The following USP7 variants were observed in gnomAD, a reference collection of about 807,000 sequenced individuals.
USP7 encodes ubiquitin C-terminal hydrolase 7.
Under a neutral mutation model 162.9 loss-of-function variants are expected in USP7, and 9 were observed. The observed-to-expected ratio is 0.06, with a 90% CI of 0.03 to 0.10. USP7 has a LOEUF of 0.10. USP7 is among the 10% of genes least tolerant of loss of function. The pLI is 1.00. For missense variants in USP7, 715 were observed against 1,373.7 expected, an observed-to-expected ratio of 0.52 and a Z score of 7.58; for synonymous variants, 562 against 475.9, an observed-to-expected ratio of 1.18 and a Z score of -2.35.
chr16:8,899,225 A>G (rs1485612014), intron 22 of USP7, 37 bp from the exon 23 acceptor site: 16 of 1,608,154 alleles, frequency 9.9e-6, no homozygotes, highest in Non-Finnish European at 1.4e-5. Flanking sequence ...TTTTGGGGAA[A>G]AATTGAAACT....
intron 20 of USP7, 137 bp downstream of exon 20, chr16:8,900,853 T>C: frequency 1.1e-6 from 1 of 879,214 alleles, no homozygotes; most frequent in South Asian, 1.9e-5. Flanking sequence ...TCTAAATATG[T>C]CATTCTCAAG....
chr16:8,936,576 G>T lies in USP7; in HGVS notation c.80-6179C>A. On this transcript the variant is annotated intron_variant, in intron 1 of 30. Transcript: ENST00000344836. ...CATAAGGAGCTCAACCTGAAAACCT[G>T]ACTCACCTTCCAGCCCAAGCCTGTG... 2.6e-6 allele frequency: 4 copies of T among 1,538,162 alleles called. No individual in the cohort carries two copies. In the South Asian group the frequency reaches 4.9e-5, roughly 19 times the overall value.
rs774409517 is a variant in USP7 at position 8,923,426 on chromosome 16, C to T, written c.185-13G>A. 4.3e-6 allele frequency: 7 copies of T among 1,612,854 alleles called. No homozygotes were observed. The highest frequency in any genetic ancestry group is 5.1e-6 in the Non-Finnish European group (6 of 1,179,174). On this transcript the variant is annotated splice_polypyrimidine_tract_variant and intron_variant, in intron 2 of 30. Transcript: ENST00000344836. ...CGCCAACTGGTGTCTGCAAAAAAAA[C>T]ACATCATCAGTCACAGAGCCTGTGC...
Position 8,897,726 on chromosome 16 carries a change from A to AAAAAATATATATAT in USP7, c.2719-628_2719-627insATATATATATTTTT, listed in dbSNP as rs1555461671. Among the ~76,000 whole-genome samples, 10 of 7,134 alleles carry AAAAAATATATATAT rather than the reference A, an allele frequency of 1.4e-3. 1 individual carries two copies. The highest frequency in any genetic ancestry group is 1.9e-3 in the Non-Finnish European group (8 of 4,286). 4.7% of individuals were successfully genotyped at this position (7,134 alleles called of 152,430 possible). A position where few individuals can be genotyped will look rare whatever the true frequency, so the allele number is the denominator to read the frequency against. On this transcript the variant is annotated intron_variant, in intron 25 of 30. Transcript: ENST00000344836. ...AAAAAAAAAAAAAAAAAAAAAAAAA[A>AAAAAATATATATAT]ATATATATATATATATATATAAATG...
chr16:8,909,119 G>T (rs1313793106), intron 11 of USP7, among the ~76,000 whole-genome samples: 1 of 152,184 alleles, frequency 6.6e-6, no homozygotes, highest in African/African-American at 2.4e-5. Flanking sequence ...GCCTTCTATG[G>T]GGACACCGGA....
intron 27 of USP7, 126 bp from the exon 28 acceptor site, chr16:8,895,276 C>G: frequency 2.1e-6 from 3 of 1,445,080 alleles, no homozygotes; most frequent in Non-Finnish European, 2.8e-6. Flanking sequence ...AAACGCCACA[C>G]CTGGATCCAG....
In USP7 at chr16:8,898,672, T is replaced by G. The variant is rs781649234; in HGVS notation, c.2532-33A>C. The G allele has an allele frequency of 8.6e-6, 13 of 1,505,410 alleles. No individual in the cohort carries two copies. The East Asian group carries it at 3.0e-4, about 34-fold the overall frequency. 93.3% of individuals were successfully genotyped at this position (1,505,410 alleles called of 1,614,324 possible). The stretch of plus-strand genomic sequence containing the variant: ...AGAAAACAGCATATAAATAAATGAC[T>G]TGTTTATTTGCCTAAAAACAAATAT... On this transcript the variant is annotated intron_variant, in intron 23 of 30. Coordinates refer to ENST00000344836, the MANE Select transcript of USP7 (RefSeq NM_003470.3).
At chr16:8,927,055 C>T (rs1898043657) in intron 2 of USP7, among the ~76,000 whole-genome samples, 1 of 152,226 alleles carries the variant, frequency 6.6e-6, no homozygotes, top group African/African-American at 2.4e-5. Flanking sequence ...TGGCTCACGC[C>T]TGTAATCCCA....
chr16:8,894,179 G>T, intron 30 of USP7, 75 bp from the exon 31 acceptor site: 1 of 1,371,866 alleles, frequency 7.3e-7, no homozygotes, highest in Non-Finnish European at 1.0e-6. Context: ...TGGCCAGTGA[G>T]GCATGCATCC....
At chr16:8,929,682 A>C (rs1898206018) in intron 2 of USP7, 2 of 413,416 alleles carry the variant, frequency 4.8e-6, no homozygotes, top group Non-Finnish European at 9.7e-6. Flanking sequence ...CTGTGCAAAT[A>C]TTGAGGTCAC....
intron 7 of USP7, among the ~76,000 whole-genome samples, 163 bp downstream of exon 7, chr16:8,916,858 TAAAAC>T (rs932180199): frequency 6.7e-6 from 1 of 149,256 alleles, no homozygotes. Context: ...TCCAAAGAGA[TAAAAC>T]AAAATACAAT....
At chr16:8,914,110 C>T (rs991079813) in intron 10 of USP7, among the ~76,000 whole-genome samples, 1 of 152,026 alleles carries the variant, frequency 6.6e-6, no homozygotes, top group Non-Finnish European at 1.5e-5. Context: ...GAAGCCAATA[C>T]TAAAATTGTT....
chr16:8,903,464 G>C, intron 15 of USP7, 62 bp from the exon 16 acceptor site: 1 of 1,554,824 alleles, frequency 6.4e-7, no homozygotes, highest in Non-Finnish European at 8.7e-7. Context: ...AGTCCACACT[G>C]AACACATTTA....
At chr16:8,958,700 C>G (rs1248683712) in intron 1 of USP7, among the ~76,000 whole-genome samples, 2 of 152,254 alleles carry the variant, frequency 1.3e-5, no homozygotes, top group African/African-American at 4.8e-5. Context: ...CTTCCCCACA[C>G]TCATCGCAGG....
intron 3 of USP7, among the ~76,000 whole-genome samples, chr16:8,922,259 C>A (rs966735659): frequency 6.6e-6 from 1 of 152,218 alleles, no homozygotes; most frequent in African/African-American, 2.4e-5. Context: ...CAGGCCGAGA[C>A]AGGCAGATCA....
chr16:8,913,487 T>G (rs1217077814), intron 10 of USP7, among the ~76,000 whole-genome samples: 1 of 151,834 alleles, frequency 6.6e-6, no homozygotes, highest in Non-Finnish European at 1.5e-5. Context: ...TTCTCAGAAA[T>G]GAGGCGAGCA....
intron 1 of USP7, among the ~76,000 whole-genome samples, chr16:8,950,406 TAC>T (rs1899497724): frequency 6.6e-6 from 1 of 152,186 alleles, no homozygotes; most frequent in African/African-American, 2.4e-5. Flanking sequence ...AAAAAAGAAT[TAC>T]ATTTTAAATA....
intron 1 of USP7, among the ~76,000 whole-genome samples, chr16:8,951,111 A>C (rs1279940108): frequency 6.6e-6 from 1 of 152,232 alleles, no homozygotes; most frequent in Non-Finnish European, 1.5e-5. Flanking sequence ...TCAGTGACTT[A>C]ACAGGCAAGG....
At chr16:8,929,628 G>A (rs907345077) in intron 2 of USP7, 3 of 455,488 alleles carry the variant, frequency 6.6e-6, no homozygotes, top group Admixed American at 2.4e-5. Flanking sequence ...GACTCCAGGG[G>A]CTGCATACTG....
Sources: allele counts gnomAD v4.1 joint callset (sites outside exome capture counted in the v4.1 genomes callset), GRCh38; gene constraint gnomAD v4.1.1; transcripts MANE v1.5; gene names NCBI Gene and HGNC (gene_info 2026-07-23, HGNC 2026-07-21).